FRMD3: variants seen among roughly 807,000 people sequenced by gnomAD.
FRMD3 encodes the protein FERM domain containing 3.
Under a neutral mutation model 70.2 loss-of-function variants are expected in FRMD3, and 33 were observed. That is an observed-to-expected ratio of 0.47 (90% CI 0.36 to 0.63). The LOEUF (loss-of-function observed/expected upper bound fraction) is 0.63, where lower values mean the gene tolerates loss of function less well. Ranked by LOEUF, FRMD3 falls within the 20% of genes least tolerant of loss-of-function variation. The pLI, the probability that FRMD3 is intolerant of heterozygous loss-of-function variation, is 0.00. For missense variants in FRMD3, 632 were observed against 711.4 expected (o/e 0.89, Z 1.27); for synonymous variants, 279 against 255.9 (o/e 1.09, Z -0.86).
intron 3 of FRMD3, among the ~76,000 whole-genome samples, chr9:83,353,691 TA>T (rs1374288882): frequency 6.6e-6 from 1 of 152,240 alleles, no homozygotes; most frequent in Non-Finnish European, 1.5e-5. Context: ...TCTGGATCAC[TA>T]CAGCAATTCC....
intron 1 of FRMD3, among the ~76,000 whole-genome samples, chr9:83,450,676 G>C (rs1317658935): frequency 6.6e-6 from 1 of 152,216 alleles, no homozygotes; most frequent in African/African-American, 2.4e-5. Flanking sequence ...ACTCCAGGAA[G>C]ATGGCAGGGC....
intron 13 of FRMD3, among the ~76,000 whole-genome samples, chr9:83,253,642 T>C (rs1832535855): frequency 1.3e-5 from 2 of 152,054 alleles, no homozygotes; most frequent in Non-Finnish European, 2.9e-5. Context: ...TGTGGAGAAA[T>C]AGGAACACTT....
chr9:83,265,809 T>C (rs1285670515), intron 13 of FRMD3, among the ~76,000 whole-genome samples: 1 of 152,206 alleles, frequency 6.6e-6, no homozygotes, highest in Non-Finnish European at 1.5e-5. Flanking sequence ...TTTTAGAGGA[T>C]AATTTGCCCA....
chr9:83,509,944 T>C (rs1046869689), intron 1 of FRMD3, among the ~76,000 whole-genome samples: 5 of 152,172 alleles, frequency 3.3e-5, no homozygotes, highest in African/African-American at 1.2e-4. Context: ...ATGACTTAGA[T>C]TGTAAATATA....
rs188143627 is a variant in FRMD3 at position 83,349,879 on chromosome 9, T to C, written c.296-122A>G. On this transcript the variant is annotated intron_variant, in intron 3 of 13. Transcript: ENST00000304195. ...CTGGGGAGTGGGGGCCAGGAGGGGG[T>C]GATTGTTTTGGAAGAAGCAGATATG... The C allele has an allele frequency of 1.0e-3, 656 of 635,098 alleles. 1 individual carries two copies. Among genetic ancestry groups the C allele is most frequent in the Non-Finnish European group, 1.4e-3 (529 of 365,616 alleles). 39.3% of individuals were successfully genotyped at this position (635,098 alleles called of 1,614,324 possible).
chr9:83,267,183 A>C (rs1478993072), intron 13 of FRMD3: 2 of 1,550,308 alleles, frequency 1.3e-6, no homozygotes, highest in African/African-American at 1.4e-5. Flanking sequence ...TGCATGGCCC[A>C]GGGCAGCCTT....
At position 83,538,081 on chromosome 9, in the gene FRMD3, G is replaced by T. The variant is rs370791753; in HGVS notation, c.147+4C>A. 2 of 1,611,534 alleles carry T rather than the reference G, an allele frequency of 1.2e-6. No individual in the cohort carries two copies. The highest frequency in any genetic ancestry group is 2.2e-5 in the East Asian group (1 of 44,780). On this transcript the variant is annotated splice_donor_region_variant and intron_variant, in intron 1 of 13. Transcript: ENST00000304195. This position sits in a 1 kb window ranked among gnomAD's most constrained non-coding sequence, Gnocchi z 4.7. Reference sequence around the variant, plus strand: ...CCCGCGCCCTCGCCCGGTTCCACGCGCACCTGGATGTGGCAGGAGATCTCC... The same window carrying T: ...CCCGCGCCCTCGCCCGGTTCCACGCTCACCTGGATGTGGCAGGAGATCTCC...
At chr9:83,575,125 C>T in the FRMD3 span, among the ~76,000 whole-genome samples, 1 of 152,250 alleles carries the variant, frequency 6.6e-6, no homozygotes, top group Middle Eastern at 3.4e-3. Context: ...ACTCACAATG[C>T]CTGCTCCCTA....
At chr9:83,243,578 A>G (rs1831948975), downstream of FRMD3, among the ~76,000 whole-genome samples, 1 of 152,184 alleles carries the variant, frequency 6.6e-6, no homozygotes, top group Non-Finnish European at 1.5e-5. Flanking sequence ...GGGTCAGCAG[A>G]CACTAACCCA....
rs533808209 is a variant in FRMD3 at position 83,389,607 on chromosome 9, T to C, written c.249A>G (p.Gln83=). The change falls in exon 2 of 14, where the codon CAA becomes CAG. Residue 83 remains glutamine, a synonymous_variant. Coordinates refer to ENST00000304195, the MANE Select transcript of FRMD3 (RefSeq NM_174938.6). ...CCAGATAGAAATCAGCTCTTACCCT[T>C]TGCTTCTCTGGGTCCACATAGCGAA... ...FGIRYVDPEK[Q]RHWLEPNKSI... 6 of 1,609,052 alleles carry C rather than the reference T, an allele frequency of 3.7e-6. No homozygotes were observed. The highest frequency in any genetic ancestry group is 5.1e-6 in the Non-Finnish European group (6 of 1,175,550).
intron 1 of FRMD3, among the ~76,000 whole-genome samples, chr9:83,400,684 CA>C (rs1825930098): frequency 6.6e-6 from 1 of 152,020 alleles, no homozygotes; most frequent in African/African-American, 2.4e-5. Flanking sequence ...AAATAATAGG[CA>C]AATAGAAAAA....
chr9:83,568,731 T>C, the FRMD3 span, among the ~76,000 whole-genome samples: 30,428 of 151,992 alleles, frequency 0.2, 3,176 homozygotes, highest in African/African-American at 0.21. Flanking sequence ...AAGATTACTA[T>C]AGTCAAAATA....
At chr9:83,382,740 C>G (rs933123355) in intron 2 of FRMD3, among the ~76,000 whole-genome samples, 4 of 152,134 alleles carry the variant, frequency 2.6e-5, no homozygotes, top group Admixed American at 1.3e-4. Flanking sequence ...TCTTTTCTTT[C>G]TGCTCTGTCT....
intron 12 of FRMD3, among the ~76,000 whole-genome samples, chr9:83,293,456 C>G (rs988104786): frequency 2.6e-5 from 4 of 152,178 alleles, no homozygotes; most frequent in Non-Finnish European, 5.9e-5. Flanking sequence ...GCTGCTGTTC[C>G]TATCCCCAGG....
At chr9:83,331,919 G>A (rs899760391) in intron 6 of FRMD3, 3 of 715,924 alleles carry the variant, frequency 4.2e-6, no homozygotes, top group African/African-American at 1.7e-5. Context: ...CCTGATCAGA[G>A]AGTTGTAAGC....
the FRMD3 span, among the ~76,000 whole-genome samples, chr9:83,568,879 T>A: frequency 2.6e-5 from 4 of 151,944 alleles, no homozygotes; most frequent in Non-Finnish European, 5.9e-5. Context: ...AATATCACAT[T>A]ATACTCCATA....
intron 6 of FRMD3, among the ~76,000 whole-genome samples, chr9:83,324,268 ATATG>A (rs1248701714): frequency 2.6e-5 from 4 of 152,218 alleles, no homozygotes; most frequent in African/African-American, 9.7e-5. Flanking sequence ...TGACTAATAC[ATATG>A]TATAAAGTAA....
chr9:83,442,692 A>G (rs1440713866), intron 1 of FRMD3, among the ~76,000 whole-genome samples: 1 of 151,770 alleles, frequency 6.6e-6, no homozygotes, highest in Non-Finnish European at 1.5e-5. Context: ...CCAACCCCAG[A>G]CCACCTCTTG....
chr9:83,544,197 C>T, the FRMD3 span, among the ~76,000 whole-genome samples: 1 of 26,030 alleles, frequency 3.8e-5, no homozygotes, highest in African/African-American at 1.0e-4. Flanking sequence ...CTCTCAGCTA[C>T]ATTGAAGTGT....
Sources: gnomAD v4.1 joint callset for allele counts (sites outside exome capture counted in the v4.1 genomes callset) on GRCh38, gnomAD v4.1.1 for gene constraint, Gnocchi (gnomAD v3.1) non-coding constraint, MANE v1.5 for transcripts, NCBI Gene and HGNC (gene_info 2026-07-23, HGNC 2026-07-21) for gene names.